The following GFOD1 variants were observed in gnomAD, a reference collection of about 807,000 sequenced individuals.
The protein encoded by GFOD1 is Gfo/Idh/MocA-like oxidoreductase domain containing 1, also known as glucose-fructose oxidoreductase domain-containing protein 1.
Under a neutral mutation model 25.4 loss-of-function variants are expected in GFOD1, and 9 were observed. The observed-to-expected ratio is 0.35, with a 90% confidence interval of 0.21 to 0.62. The LOEUF (loss-of-function observed/expected upper bound fraction) is 0.62. GFOD1 is among the 20% of genes least tolerant of loss of function. The pLI is 0.72. For synonymous variants in GFOD1, 253 were observed against 245.6 expected (o/e 1.03, Z -0.28); for missense variants, 403 against 556.9 (o/e 0.72, Z 2.78).
At chr6:13,447,609 T>G (rs564145265) in intron 1 of GFOD1, among the ~76,000 whole-genome samples, 9 of 151,142 alleles carry the variant, frequency 6.0e-5, no homozygotes, top group Admixed American at 2.6e-4. Context: ...GGCATGGTAG[T>G]GGGCACCTGT....
intron 1 of GFOD1, among the ~76,000 whole-genome samples, chr6:13,434,838 A>G (rs1757809056): frequency 6.6e-6 from 1 of 152,238 alleles, no homozygotes; most frequent in African/African-American, 2.4e-5. Flanking sequence ...CAAAAACAGC[A>G]AGGCAAAACG....
chr6:13,391,795 C>T, intron 1 of GFOD1, among the ~76,000 whole-genome samples: 1 of 152,222 alleles, frequency 6.6e-6, no homozygotes, highest in East Asian at 1.9e-4. Context: ...GTATCGACTT[C>T]ATTGGAGTGG....
intron 1 of GFOD1, among the ~76,000 whole-genome samples, chr6:13,409,365 GAGGA>G (rs56336626): frequency 0.71 from 98,886 of 139,904 alleles, 35,920 homozygotes; most frequent in South Asian, 0.85. Flanking sequence ...GAAAGAGACA[GAGGA>G]AGGAAGGAAG....
Position 13,373,737 on chromosome 6 carries a change from C to T in GFOD1, c.254-8075G>A, listed in dbSNP as rs578132434. Among the ~76,000 whole-genome samples, 21 of 132,362 alleles carry T rather than the reference C, an allele frequency of 1.6e-4. No individual in the cohort carries two copies. In the Middle Eastern group the frequency reaches 0.012, roughly 73 times the overall value. 86.8% of individuals were successfully genotyped at this position (132,362 alleles called of 152,430 possible). ...CTTCCTGCTAATCTCCTTCCTGCTCCCCCAACACACACACACACACACACA... is the reference window on the plus strand; with the variant it reads ...CTTCCTGCTAATCTCCTTCCTGCTCTCCCAACACACACACACACACACACA... On this transcript the variant is annotated intron_variant, in intron 1 of 1. Transcript: ENST00000379287.
At chr6:13,435,034 G>C (rs1236124331) in intron 1 of GFOD1, among the ~76,000 whole-genome samples, 1 of 152,178 alleles carries the variant, frequency 6.6e-6, no homozygotes, top group African/African-American at 2.4e-5. Context: ...CTCTTTCTGA[G>C]CACCTCCAAG....
intron 1 of GFOD1, among the ~76,000 whole-genome samples, chr6:13,428,148 T>A (rs1584645796): frequency 6.6e-6 from 1 of 152,296 alleles, no homozygotes; most frequent in South Asian, 2.1e-4. Flanking sequence ...GTCTTTTCTA[T>A]CAACCATGTG....
chr6:13,480,957 CATTT>C (rs1204764892), intron 1 of GFOD1, among the ~76,000 whole-genome samples: 2 of 152,196 alleles, frequency 1.3e-5, no homozygotes, highest in Non-Finnish European at 1.5e-5. Flanking sequence ...AAAATGCATT[CATTT>C]GTCATTCAAT....
intron 1 of GFOD1, among the ~76,000 whole-genome samples, chr6:13,460,419 C>T (rs530543676): frequency 1.3e-5 from 2 of 152,318 alleles, no homozygotes; most frequent in African/African-American, 4.8e-5. Context: ...CCCAAATCCC[C>T]ATCAATGATA....
chr6:13,396,257 C>T (rs1785727903), intron 1 of GFOD1, among the ~76,000 whole-genome samples: 1 of 152,208 alleles, frequency 6.6e-6, no homozygotes. Flanking sequence ...AGATCTCTAC[C>T]TCCCTCTTAT....
At chr6:13,447,275 G>A (rs893781764) in intron 1 of GFOD1, among the ~76,000 whole-genome samples, 12 of 152,324 alleles carry the variant, frequency 7.9e-5, no homozygotes, top group Admixed American at 5.9e-4. Context: ...GCTGGCAATC[G>A]TTGGCATTCC....
intron 1 of GFOD1, among the ~76,000 whole-genome samples, chr6:13,403,342 T>A (rs1785886033): frequency 6.6e-6 from 1 of 152,160 alleles, no homozygotes; most frequent in East Asian, 1.9e-4. Flanking sequence ...GCCAGGCTGG[T>A]CTCAAACTCC....
intron 1 of GFOD1, among the ~76,000 whole-genome samples, chr6:13,458,358 C>T (rs538878892): frequency 1.8e-4 from 28 of 152,208 alleles, no homozygotes; most frequent in African/African-American, 4.3e-4. Context: ...CCTTGTGATC[C>T]GCCCCCGCTT....
intron 1 of GFOD1, among the ~76,000 whole-genome samples, chr6:13,392,662 A>G (rs1252253833): frequency 6.6e-6 from 1 of 152,156 alleles, no homozygotes; most frequent in Non-Finnish European, 1.5e-5. Flanking sequence ...AGATCCTCTC[A>G]GATAACTGAC....
At chr6:13,391,531 GAAA>G (rs1785612434) in intron 1 of GFOD1, among the ~76,000 whole-genome samples, 2 of 110,358 alleles carry the variant, frequency 1.8e-5, no homozygotes, top group Non-Finnish European at 4.2e-5. Context: ...AAAAAAAAAA[GAAA>G]GAGAAAAGAA....
chr6:13,423,034 C>A (rs1209733259), intron 1 of GFOD1, among the ~76,000 whole-genome samples: 1 of 152,164 alleles, frequency 6.6e-6, no homozygotes, highest in Non-Finnish European at 1.5e-5. Flanking sequence ...AATGAACAGG[C>A]CACTTACAAA....
At chr6:13,398,243 C>A (rs1428327172) in intron 1 of GFOD1, among the ~76,000 whole-genome samples, 1 of 152,220 alleles carries the variant, frequency 6.6e-6, no homozygotes, top group African/African-American at 2.4e-5. Flanking sequence ...TATGTACATA[C>A]CTTGCACATT....
chr6:13,415,480 G>A (rs763927506), intron 1 of GFOD1, among the ~76,000 whole-genome samples: 14 of 152,166 alleles, frequency 9.2e-5, no homozygotes, highest in Non-Finnish European at 2.1e-4. Context: ...ACACAACTCT[G>A]AAGAAGTGGA....
Position 13,449,195 on chromosome 6 carries a change from G to A in GFOD1, c.253+37443C>T, listed in dbSNP as rs901450420. On this transcript the variant is annotated intron_variant, in intron 1 of 1. Transcript: ENST00000379287. Reference sequence around the variant, plus strand: ...AGTCCCAGCTACTTGGGAGGCTGAGGTAGGAGGATTGCTTGAGCCCAGGAG... The same window carrying A: ...AGTCCCAGCTACTTGGGAGGCTGAGATAGGAGGATTGCTTGAGCCCAGGAG... 3.9e-5 allele frequency among the ~76,000 whole-genome samples: 6 copies of A among 152,318 alleles called. No individual in the cohort carries two copies. The East Asian group carries it at 1.2e-3, about 29-fold the overall frequency.
rs148842953 is a variant in GFOD1 at position 13,486,720 on chromosome 6, C to T, written c.171G>A (p.Glu57=). Residue 57 remains glutamate (E), a synonymous_variant, in exon 1 of 2, where the codon GAG becomes GAA. Transcript: ENST00000379287. ...SVPFYTSRID[E]VLLHQDVDLV... is the part of the protein sequence containing the mutation. The stretch of plus-strand genomic sequence containing the variant: ...AGTCCACGTCCTGATGCAGCAGCAC[C>T]TCATCAATGCGGCTAGTGTAGAAGG... The T allele has an allele frequency of 6.2e-7, 1 of 1,614,044 alleles. No homozygotes were observed. Among genetic ancestry groups the T allele is most frequent in the Non-Finnish European group, 8.5e-7 (1 of 1,179,916 alleles).
Sources: allele counts gnomAD v4.1 joint callset (sites outside exome capture counted in the v4.1 genomes callset), GRCh38; gene constraint gnomAD v4.1.1; transcripts MANE v1.5; gene names NCBI Gene and HGNC (gene_info 2026-07-23, HGNC 2026-07-21).